Variants in PGS1 observed in about 807,000 individuals in gnomAD.
The protein encoded by PGS1 is CDP-diacylglycerol--glycerol-3-phosphate 3-phosphatidyltransferase, mitochondrial.
Under a neutral mutation model 58.3 loss-of-function variants are expected in PGS1, and 44 were observed. That is an observed-to-expected ratio of 0.75 (90% CI 0.59 to 0.97). The LOEUF is 0.97. PGS1 is among the 50% of genes least tolerant of loss of function. The pLI, the probability that PGS1 is intolerant of heterozygous loss-of-function variation, is 0.00. For synonymous variants in PGS1, 330 were observed against 311.0 expected, an observed-to-expected ratio of 1.06 and a Z score of -0.64; for missense variants, 684 against 731.1, an observed-to-expected ratio of 0.94 and a Z score of 0.74.
chr17:78,413,833 G>GT (rs1321069826), intron 7 of PGS1, among the ~76,000 whole-genome samples: 4 of 152,178 alleles, frequency 2.6e-5, no homozygotes, highest in Non-Finnish European at 5.9e-5. Flanking sequence ...GCGCAAAACT[G>GT]TGCTTGTCAT....
intron 7 of PGS1, 103 bp downstream of exon 7, chr17:78,404,192 CCCTT>C: frequency 8.0e-7 from 1 of 1,247,350 alleles, no homozygotes; most frequent in Non-Finnish European, 1.1e-6. Context: ...CTGTACTTCT[CCCTT>C]CCTACCTTCC....
chr17:78,399,255 G>A (rs959146266), intron 4 of PGS1, 93 bp from the exon 5 acceptor site: 5 of 957,880 alleles, frequency 5.2e-6, no homozygotes, highest in South Asian at 2.9e-5. Flanking sequence ...GGACGGCACA[G>A]GTGAAGGCGA....
chr17:78,413,956 A>T (rs548663007), intron 7 of PGS1, among the ~76,000 whole-genome samples: 4 of 152,162 alleles, frequency 2.6e-5, no homozygotes, highest in African/African-American at 9.7e-5. Flanking sequence ...TTTTTCTCCA[A>T]CTGTGATACT....
intron 6 of PGS1, among the ~76,000 whole-genome samples, chr17:78,401,692 C>T (rs1411581354): frequency 6.6e-6 from 1 of 152,138 alleles, no homozygotes; most frequent in Non-Finnish European, 1.5e-5. Context: ...AGCCCTGGGC[C>T]TCAGACCCCG....
At chr17:78,398,143 A>G (rs1160339145) in intron 3 of PGS1, 109 bp from the exon 4 acceptor site, 11 of 821,768 alleles carry the variant, frequency 1.3e-5, no homozygotes, top group East Asian at 7.3e-5. Context: ...GCACAAACCT[A>G]TCTTTGGAGA....
At chr17:78,403,465 T>G in intron 6 of PGS1, 103 bp from the exon 7 acceptor site, 2 of 1,192,056 alleles carry the variant, frequency 1.7e-6, no homozygotes, top group Non-Finnish European at 2.4e-6. Context: ...AACATCCAGT[T>G]GTAGCGTCTG....
intron 2 of PGS1, among the ~76,000 whole-genome samples, chr17:78,395,480 T>C (rs2083163273): frequency 6.6e-6 from 1 of 152,134 alleles, no homozygotes; most frequent in South Asian, 2.1e-4. Context: ...CAGGTAGATG[T>C]GAAGCTGCCT....
At chr17:78,404,700 G>A (rs962301464) in intron 7 of PGS1, among the ~76,000 whole-genome samples, 3 of 151,776 alleles carry the variant, frequency 2.0e-5, no homozygotes, top group African/African-American at 7.3e-5. Context: ...CACTCTTGTC[G>A]CTCAGGCTGG....
intron 8 of PGS1, among the ~76,000 whole-genome samples, chr17:78,417,106 C>T (rs55646506): frequency 0.11 from 16,740 of 152,252 alleles, 1,085 homozygotes; most frequent in African/African-American, 0.17. Flanking sequence ...GTTCAGGGAA[C>T]ACAGTTTACC....
chr17:78,419,758 G>C, intron 9 of PGS1, 83 bp downstream of exon 9: 1 of 1,583,958 alleles, frequency 6.3e-7, no homozygotes, highest in South Asian at 1.1e-5. Flanking sequence ...CTCAACCAGA[G>C]CTTCCAGAGG....
At chr17:78,406,772 C>T (rs529167672) in intron 7 of PGS1, among the ~76,000 whole-genome samples, 1 of 151,964 alleles carries the variant, frequency 6.6e-6, no homozygotes, top group South Asian at 2.1e-4. Flanking sequence ...GGCCTCAGAC[C>T]CACACTGTCG....
chr17:78,391,472 A>G lies in PGS1; in HGVS notation c.144-1004A>G, dbSNP rs566202548. ...GTAGCTGGGACTACAGGTTTGTGCTACCATGCCCAGGTAACTTTTTTTTGA... is the reference window on the plus strand; with the variant it reads ...GTAGCTGGGACTACAGGTTTGTGCTGCCATGCCCAGGTAACTTTTTTTTGA... On this transcript the variant is annotated intron_variant, in intron 1 of 9. Coordinates refer to ENST00000262764, the MANE Select transcript of PGS1 (RefSeq NM_024419.5). Among the ~76,000 whole-genome samples the G allele has an allele frequency of 7.9e-5, 12 of 152,150 alleles. No homozygotes were observed. In the East Asian group the frequency reaches 1.9e-3, roughly 25 times the overall value.
intron 7 of PGS1, among the ~76,000 whole-genome samples, chr17:78,409,298 G>T (rs77835058): frequency 6.6e-6 from 1 of 152,260 alleles, no homozygotes; most frequent in Non-Finnish European, 1.5e-5. Context: ...TCTTCTGGAC[G>T]CAGTATTCTA....
chr17:78,413,601 C>G (rs574922830), intron 7 of PGS1, among the ~76,000 whole-genome samples: 44 of 152,342 alleles, frequency 2.9e-4, no homozygotes, highest in Admixed American at 2.5e-3. Flanking sequence ...CACACCTGCT[C>G]ACACTGACAT....
chr17:78,399,271 C>G (rs1003663379), intron 4 of PGS1, 77 bp from the exon 5 acceptor site: 1 of 1,158,478 alleles, frequency 8.6e-7, no homozygotes, highest in Non-Finnish European at 1.3e-6. Context: ...GGCGAGGCCA[C>G]GTGGAGGTGG....
intron 7 of PGS1, among the ~76,000 whole-genome samples, chr17:78,414,121 C>G (rs1337359530): frequency 6.6e-6 from 1 of 152,248 alleles, no homozygotes; most frequent in African/African-American, 2.4e-5. Flanking sequence ...CCTGGACCCC[C>G]TTTGTCCTCA....
rs185501511 is a variant in PGS1 at position 78,401,870 on chromosome 17, G to C, written c.880+1015G>C. ...AGAAAGCCTAAAATATTTACCATCT[G>C]ACCCTTAAAGAAAATGTGTGTGGAT... On this transcript the variant is annotated intron_variant, in intron 6 of 9. Coordinates refer to ENST00000262764, the MANE Select transcript of PGS1 (RefSeq NM_024419.5). Among the ~76,000 whole-genome samples the C allele has an allele frequency of 2.7e-4, 36 of 133,654 alleles. No homozygotes were observed. The East Asian group carries it at 7.6e-3, about 28-fold the overall frequency. The allele number at this position is 133,654 out of a possible 152,430, so 87.7% of individuals were successfully genotyped here.
At position 78,419,710 on chromosome 17, in the gene PGS1, TC is replaced by T. The variant is rs763842082; in HGVS notation, c.*10+38del. The T allele has an allele frequency of 3.7e-6, 6 of 1,609,004 alleles. No individual in the cohort carries two copies. In the African/African-American group the frequency reaches 8.0e-5, roughly 21 times the overall value. On this transcript the variant is annotated intron_variant, in intron 9 of 9. Coordinates refer to ENST00000262764, the MANE Select transcript of PGS1 (RefSeq NM_024419.5). The stretch of plus-strand genomic sequence containing the variant: ...CTAGCATCACCTCTCAGCACGATTT[TC>T]CCGAGAGTTCACAGGTGGGGCAGGT...
chr17:78,410,383 C>G (rs948878335), intron 7 of PGS1, among the ~76,000 whole-genome samples: 15 of 149,438 alleles, frequency 1.0e-4, no homozygotes, highest in African/African-American at 3.2e-4. Flanking sequence ...GAGCCAAGAT[C>G]GCGCCATTGC....
Sources: allele counts gnomAD v4.1 joint callset (sites outside exome capture counted in the v4.1 genomes callset), GRCh38; gene constraint gnomAD v4.1.1; transcripts MANE v1.5; gene names NCBI Gene and HGNC (gene_info 2026-07-23, HGNC 2026-07-21).